The following DCTN4 variants were observed in gnomAD, a reference collection of about 807,000 sequenced individuals.
DCTN4 encodes dynactin 4 (p62).
DCTN4 carries 23 observed loss-of-function variants against 62.7 expected under a neutral mutation model. The ratio of observed to expected loss-of-function variants is 0.37; its 90% CI spans 0.26 to 0.52. DCTN4 has a LOEUF of 0.52. DCTN4 is among the 20% of genes least tolerant of loss of function. DCTN4 has a pLI of 0.92. For missense variants in DCTN4, 514 were observed against 580.4 expected (o/e 0.89, Z 1.18); for synonymous variants, 199 against 202.1 (o/e 0.98, Z 0.13).
At chr5:150,756,090 G>A (rs1008223508) in intron 2 of DCTN4, among the ~76,000 whole-genome samples, 1 of 146,218 alleles carries the variant, frequency 6.8e-6, no homozygotes, top group Non-Finnish European at 1.5e-5. Flanking sequence ...TGCCCAGGCT[G>A]GAGTGCAGTG....
At chr5:150,749,072 A>G (rs1752574711) in intron 3 of DCTN4, among the ~76,000 whole-genome samples, 1 of 152,184 alleles carries the variant, frequency 6.6e-6, no homozygotes, top group Admixed American at 6.5e-5. Context: ...TAGGACACAA[A>G]AAACACAAAC....
At chr5:150,746,454 C>T (rs977226825) in intron 3 of DCTN4, among the ~76,000 whole-genome samples, 3 of 152,056 alleles carry the variant, frequency 2.0e-5, no homozygotes, top group African/African-American at 7.3e-5. Flanking sequence ...CAGCATCATC[C>T]TGATACCAAA....
At chr5:150,736,197 TAGA>T (rs1760576420) in intron 4 of DCTN4, 1 of 152,192 alleles carries the variant, frequency 6.6e-6, no homozygotes. Flanking sequence ...GAGGAAAGAA[TAGA>T]AGAAAACTTC....
rs200680951 is a variant in DCTN4, at chr5:150,749,278, C to CCAA, written c.385+4198_385+4200dup. Among the ~76,000 whole-genome samples, 105 of 152,188 alleles carry CCAA rather than the reference C, an allele frequency of 6.9e-4. 2 individuals are homozygous for CCAA. The East Asian group carries it at 0.02, about 29-fold the overall frequency. On this transcript the variant is annotated intron_variant, in intron 3 of 12. Transcript: ENST00000447998. ...GTTTAAAAAACCAAATCAAAACAAA[C>CCAA]CAACAACAACAAAACCCAGTTAAAA... is the stretch of plus-strand genomic sequence containing the variant.
At chr5:150,751,930 A>G (rs769373242) in intron 3 of DCTN4, among the ~76,000 whole-genome samples, 1 of 152,184 alleles carries the variant, frequency 6.6e-6, no homozygotes, top group Non-Finnish European at 1.5e-5. Context: ...GAATCTATAG[A>G]AAGGTTTTAG....
intron 8 of DCTN4, among the ~76,000 whole-genome samples, chr5:150,728,800 T>C (rs1476087416): frequency 6.6e-6 from 1 of 152,144 alleles, no homozygotes; most frequent in South Asian, 2.1e-4. Flanking sequence ...TGTCTTTTAA[T>C]GGAAGCATTT....
intron 2 of DCTN4, 42 bp downstream of exon 2, chr5:150,756,375 C>T (rs757121871): frequency 1.4e-6 from 2 of 1,418,246 alleles, no homozygotes; most frequent in Admixed American, 4.4e-5. Flanking sequence ...AGAGAACAGT[C>T]AAGGAAAATA....
intron 4 of DCTN4, chr5:150,733,758 T>C (rs1047682141): frequency 1.1e-5 from 3 of 265,306 alleles, no homozygotes; most frequent in East Asian, 7.8e-5. Context: ...ACTGCTCTTA[T>C]TTTTTTTCTG....
At chr5:150,720,481 ATTTTT>A (rs57503750) in intron 9 of DCTN4, among the ~76,000 whole-genome samples, 1 of 139,418 alleles carries the variant, frequency 7.2e-6, no homozygotes. Context: ...AGAGCTCTGT[ATTTTT>A]TTTTTTTTTT....
chr5:150,748,071 A>G (rs1325540186), intron 3 of DCTN4, among the ~76,000 whole-genome samples: 2 of 152,048 alleles, frequency 1.3e-5, no homozygotes, highest in Non-Finnish European at 1.5e-5. Context: ...CAGAATCTAC[A>G]ATGAACTCAA....
chr5:150,753,765 G>A, intron 2 of DCTN4, 108 bp from the exon 3 acceptor site: 1 of 1,142,288 alleles, frequency 8.8e-7, no homozygotes, highest in Admixed American at 2.6e-5. Context: ...GTAACATTCT[G>A]CAGGCCTCTT....
At chr5:150,756,604 T>TCTAC in intron 1 of DCTN4, 117 bp from the exon 2 acceptor site, 3 of 515,016 alleles carry the variant, frequency 5.8e-6, no homozygotes, top group African/African-American at 2.0e-5. Context: ...AAGTAGACTG[T>TCTAC]TTTCTGCTTA....
intron 3 of DCTN4, among the ~76,000 whole-genome samples, chr5:150,751,068 A>G (rs746966339): frequency 6.6e-5 from 10 of 152,146 alleles, no homozygotes; most frequent in Admixed American, 4.6e-4. Context: ...CAGCTGTAAT[A>G]TTTTTAAACG....
chr5:150,755,821 T>C (rs1331278917), intron 2 of DCTN4, among the ~76,000 whole-genome samples: 2 of 152,156 alleles, frequency 1.3e-5, no homozygotes, highest in Non-Finnish European at 2.9e-5. Flanking sequence ...GGTTCATTAA[T>C]TGTAACAAAT....
rs1198021134 is a variant in DCTN4 at position 150,711,302 on chromosome 5, A to T, written c.1230T>A (p.Arg410=). Residue 410 remains arginine, a synonymous_variant, in exon 13 of 13, where the codon CGT becomes CGA. Coordinates refer to ENST00000447998, the MANE Select transcript of DCTN4 (RefSeq NM_016221.4). The stretch of plus-strand genomic sequence containing the variant: ...AGCACACGGTCACTTCACCCTCCTC[A>T]CGCTGTGGTGTAACTTTGATGAAAA... The part of the protein sequence containing the change: ...VGIFIKVTPQ[R]EEGEVTVCFK... 4 of 1,613,152 alleles carry T rather than the reference A, an allele frequency of 2.5e-6. No individual in the cohort carries two copies. Among genetic ancestry groups the T allele is most frequent in the Admixed American group, 1.7e-5 (1 of 59,960 alleles).
At chr5:150,725,971 T>C (rs1034429292) in intron 8 of DCTN4, among the ~76,000 whole-genome samples, 16 of 152,128 alleles carry the variant, frequency 1.1e-4, no homozygotes, top group African/African-American at 3.6e-4. Context: ...GGCGCAATCT[T>C]GGCTCACTGC....
At chr5:150,742,282 TA>T (rs1024223433) in intron 3 of DCTN4, 125 bp from the exon 4 acceptor site, 11 of 913,188 alleles carry the variant, frequency 1.2e-5, no homozygotes, top group Non-Finnish European at 1.9e-5. Flanking sequence ...TTCTGGTCTA[TA>T]TAACTATAGA....
chr5:150,743,358 C>T (rs1368946443), intron 3 of DCTN4, among the ~76,000 whole-genome samples: 1 of 152,238 alleles, frequency 6.6e-6, no homozygotes, highest in Non-Finnish European at 1.5e-5. Context: ...GTAGGCTCCA[C>T]CTCTCGGGGC....
intron 3 of DCTN4, chr5:150,742,851 T>C (rs1760816392): frequency 6.4e-6 from 1 of 155,206 alleles, no homozygotes; most frequent in Non-Finnish European, 1.4e-5. Context: ...GGAGCCAAGA[T>C]GGCCGAATAG....
Sources: gnomAD v4.1 joint callset for allele counts (sites outside exome capture counted in the v4.1 genomes callset) on GRCh38, gnomAD v4.1.1 for gene constraint, MANE v1.5 for transcripts, NCBI Gene and HGNC (gene_info 2026-07-23, HGNC 2026-07-21) for gene names.